ERC2: variants seen among roughly 807,000 people sequenced by gnomAD.
ERC2 encodes ERC protein 2.
In ERC2, 42 loss-of-function variants were observed where a neutral mutation model predicts 114.8. The ratio of observed to expected loss-of-function variants is 0.37; its 90% confidence interval spans 0.29 to 0.47. ERC2 has a LOEUF of 0.47. Ranked by LOEUF, ERC2 falls within the 20% of genes least tolerant of loss-of-function variation. The probability of loss-of-function intolerance (pLI) is 0.99; values close to 1 mark genes in which losing one functional copy is unlikely to be tolerated. For synonymous variants in ERC2, 454 were observed against 425.5 expected (o/e 1.07, Z -0.82); for missense variants, 939 against 1,150.7 (o/e 0.82, Z 2.66).
chr3:55,735,992 T>G (rs1458765291), intron 14 of ERC2, among the ~76,000 whole-genome samples: 1 of 152,184 alleles, frequency 6.6e-6, no homozygotes, highest in Non-Finnish European at 1.5e-5. Flanking sequence ...GCCAATCCAC[T>G]GACAACTTCA....
At chr3:56,357,576 G>T (rs1440460923) in intron 2 of ERC2, among the ~76,000 whole-genome samples, 1 of 151,982 alleles carries the variant, frequency 6.6e-6, no homozygotes. Flanking sequence ...GTCCACAGGA[G>T]AAAGTTACAG....
chr3:55,933,447 C>T (rs984770894), intron 13 of ERC2, among the ~76,000 whole-genome samples: 25 of 152,300 alleles, frequency 1.6e-4, no homozygotes, highest in Admixed American at 1.2e-3. Flanking sequence ...GAAAGAATAA[C>T]GATACCTGTA....
chr3:55,569,964 T>G (rs1268396865), intron 17 of ERC2, among the ~76,000 whole-genome samples: 1 of 151,774 alleles, frequency 6.6e-6, no homozygotes, highest in Non-Finnish European at 1.5e-5. Context: ...TTCAAGCGAT[T>G]TCTCCTGCCT....
At chr3:56,267,508 A>C (rs2053391225) in intron 3 of ERC2, among the ~76,000 whole-genome samples, 1 of 152,138 alleles carries the variant, frequency 6.6e-6, no homozygotes, top group Non-Finnish European at 1.5e-5. Flanking sequence ...GCAGTGGCTC[A>C]CGCCTGTAAT....
intron 1 of ERC2, among the ~76,000 whole-genome samples, chr3:56,452,935 G>A (rs1471728499): frequency 6.6e-6 from 1 of 152,172 alleles, no homozygotes; most frequent in Non-Finnish European, 1.5e-5. Flanking sequence ...GGCTCATTGT[G>A]TTGTTTTCTT....
chr3:56,425,021 T>C (rs143217929), intron 2 of ERC2, among the ~76,000 whole-genome samples: 1 of 152,278 alleles, frequency 6.6e-6, no homozygotes, highest in Non-Finnish European at 1.5e-5. Context: ...CCTTAAAACA[T>C]TTGGAGAGCA....
intron 2 of ERC2, among the ~76,000 whole-genome samples, chr3:56,408,297 G>A (rs2060804766): frequency 6.6e-6 from 1 of 152,142 alleles, no homozygotes; most frequent in South Asian, 2.1e-4. Context: ...AGGCACAATT[G>A]TTATCCCTAT....
chr3:55,896,406 T>G (rs1415047392), intron 13 of ERC2, among the ~76,000 whole-genome samples: 1 of 152,208 alleles, frequency 6.6e-6, no homozygotes, highest in East Asian at 1.9e-4. Flanking sequence ...GGTCCCATTC[T>G]TTAGAAAAAT....
At chr3:55,679,990 T>C (rs1316440404) in intron 17 of ERC2, among the ~76,000 whole-genome samples, 1 of 152,188 alleles carries the variant, frequency 6.6e-6, no homozygotes. Context: ...AGGGGAGGCA[T>C]GGCAGGGAGT....
At chr3:56,158,720 C>T (rs1044229293) in intron 4 of ERC2, among the ~76,000 whole-genome samples, 5 of 150,992 alleles carry the variant, frequency 3.3e-5, no homozygotes, top group Non-Finnish European at 7.4e-5. Flanking sequence ...GGAACCTTCT[C>T]AGTTCAGAAA....
chr3:55,667,908 A>C (rs946061120), intron 17 of ERC2, among the ~76,000 whole-genome samples: 2 of 152,172 alleles, frequency 1.3e-5, no homozygotes, highest in African/African-American at 2.4e-5. Context: ...TATTGAATCT[A>C]GGGCTGGATA....
intron 17 of ERC2, among the ~76,000 whole-genome samples, chr3:55,598,868 C>T (rs1202944425): frequency 6.6e-6 from 1 of 150,854 alleles, no homozygotes; most frequent in African/African-American, 2.4e-5. Flanking sequence ...ACCCTTCTTC[C>T]TCAGAAGGAG....
At chr3:55,583,629 C>A (rs1043123115) in intron 17 of ERC2, among the ~76,000 whole-genome samples, 2 of 148,400 alleles carry the variant, frequency 1.3e-5, no homozygotes, top group Non-Finnish European at 3.0e-5. Flanking sequence ...GTATCAGCTT[C>A]CCTATTAATT....
chr3:55,733,531 T>TTC (rs1214034108), intron 15 of ERC2, among the ~76,000 whole-genome samples: 15 of 58,618 alleles, frequency 2.6e-4, no homozygotes, highest in Non-Finnish European at 3.7e-4. Context: ...CTCTCATTCT[T>TTC]TCTCTCTCTC....
chr3:56,193,556 C>T (rs1361391716), intron 3 of ERC2, among the ~76,000 whole-genome samples: 3 of 151,846 alleles, frequency 2.0e-5, no homozygotes, highest in Admixed American at 6.6e-5. Flanking sequence ...TAGGCAAGAT[C>T]GTGAGTAATT....
At chr3:55,950,841 G>C (rs2067451281) in intron 12 of ERC2, among the ~76,000 whole-genome samples, 1 of 152,174 alleles carries the variant, frequency 6.6e-6, no homozygotes, top group South Asian at 2.1e-4. Flanking sequence ...AAGTACCAAG[G>C]AAACACAACT....
intron 15 of ERC2, among the ~76,000 whole-genome samples, chr3:55,710,076 G>T (rs182172446): frequency 3.5e-4 from 53 of 152,258 alleles, no homozygotes; most frequent in African/African-American, 1.1e-3. Flanking sequence ...TATCAGAGTT[G>T]CCCGCTGTGC....
At chr3:55,528,735 T>C (rs964847631) in intron 17 of ERC2, among the ~76,000 whole-genome samples, 5 of 152,214 alleles carry the variant, frequency 3.3e-5, no homozygotes, top group Admixed American at 3.3e-4. Context: ...CTTGTTGAGA[T>C]TATTCTTTAT....
chr3:55,618,100 G>T (rs2059192218), intron 17 of ERC2, among the ~76,000 whole-genome samples: 1 of 152,060 alleles, frequency 6.6e-6, no homozygotes, highest in Admixed American at 6.5e-5. Context: ...CTTCTGTAAA[G>T]ATATTTTTCA....
Sources: allele counts gnomAD v4.1 joint callset (sites outside exome capture counted in the v4.1 genomes callset), GRCh38; gene constraint gnomAD v4.1.1; transcripts MANE v1.5; gene names NCBI Gene and HGNC (gene_info 2026-07-23, HGNC 2026-07-21).